Variants in CAB39L observed in about 807,000 individuals in gnomAD.
CAB39L encodes the protein calcium binding protein 39 like.
In CAB39L, 23 loss-of-function variants were observed where a neutral mutation model predicts 39.1. The ratio of observed to expected loss-of-function variants is 0.59; its 90% confidence interval spans 0.42 to 0.83. CAB39L has a LOEUF of 0.83. Ranked by LOEUF, CAB39L falls within the 40% of genes least tolerant of loss-of-function variation. The pLI, the probability that CAB39L is intolerant of heterozygous loss-of-function variation, is 0.00. For synonymous variants in CAB39L, 126 were observed against 137.2 expected (o/e 0.92, Z 0.57); for missense variants, 366 against 391.9 (o/e 0.93, Z 0.56).
At chr13:49,374,656 A>C (rs963578999) in intron 5 of CAB39L, among the ~76,000 whole-genome samples, 5 of 152,238 alleles carry the variant, frequency 3.3e-5, no homozygotes, top group African/African-American at 1.2e-4. Flanking sequence ...GAAAGTTATA[A>C]GGCACCCAAA....
intron 7 of CAB39L, among the ~76,000 whole-genome samples, chr13:49,348,071 T>C (rs928831211): frequency 1.3e-5 from 2 of 152,148 alleles, no homozygotes; most frequent in Non-Finnish European, 2.9e-5. Context: ...CATAGGACGC[T>C]GGCAGGCTGA....
intron 6 of CAB39L, among the ~76,000 whole-genome samples, chr13:49,352,218 TG>T (rs923584580): frequency 6.6e-6 from 1 of 151,534 alleles, no homozygotes; most frequent in African/African-American, 2.4e-5. Context: ...CATACCAGAT[TG>T]GTTCCATTTC....
chr13:49,321,890 G>T (rs1339126943), intron 10 of CAB39L, among the ~76,000 whole-genome samples: 1 of 152,164 alleles, frequency 6.6e-6, no homozygotes, highest in Non-Finnish European at 1.5e-5. Flanking sequence ...GATTTGAACT[G>T]AACAATTCAA....
chr13:49,427,341 T>C (rs1419620877), intron 3 of CAB39L, among the ~76,000 whole-genome samples: 2 of 152,174 alleles, frequency 1.3e-5, no homozygotes, highest in Non-Finnish European at 2.9e-5. Flanking sequence ...TCAATGTCCA[T>C]TCACCTTTCA....
intron 10 of CAB39L, among the ~76,000 whole-genome samples, chr13:49,313,821 C>T (rs1954074505): frequency 6.6e-6 from 1 of 152,150 alleles, no homozygotes; most frequent in African/African-American, 2.4e-5. Flanking sequence ...CAGTGCCCAA[C>T]TCTACAGGGA....
intron 3 of CAB39L, among the ~76,000 whole-genome samples, chr13:49,417,026 G>A (rs1291625035): frequency 6.6e-6 from 1 of 152,152 alleles, no homozygotes; most frequent in Non-Finnish European, 1.5e-5. Context: ...TGCCTAAATA[G>A]ATATTTGAAT....
chr13:49,361,822 G>A (rs1955646327), intron 5 of CAB39L, among the ~76,000 whole-genome samples: 1 of 151,900 alleles, frequency 6.6e-6, no homozygotes, highest in Non-Finnish European at 1.5e-5. Flanking sequence ...GCCCCTCTCT[G>A]TACTACAACC....
chr13:49,337,077 C>G (rs1345624752), intron 9 of CAB39L, among the ~76,000 whole-genome samples: 1 of 152,122 alleles, frequency 6.6e-6, no homozygotes. Flanking sequence ...ATAAAGGAAA[C>G]CAGGTCATGG....
chr13:49,347,549 G>C (rs150230574), intron 7 of CAB39L, among the ~76,000 whole-genome samples: 6 of 152,204 alleles, frequency 3.9e-5, no homozygotes, highest in African/African-American at 1.2e-4. Context: ...GAAAAAAATG[G>C]GACTGTAGTG....
At chr13:49,313,716 T>G (rs114376407) in intron 10 of CAB39L, among the ~76,000 whole-genome samples, 267 of 152,282 alleles carry the variant, frequency 1.8e-3, no homozygotes, top group African/African-American at 6.1e-3. Context: ...GATCAAAGTG[T>G]CTCTGAGCCC....
intron 5 of CAB39L, among the ~76,000 whole-genome samples, chr13:49,364,347 GAGAC>G (rs1477922644): frequency 2.6e-5 from 4 of 152,118 alleles, no homozygotes; most frequent in Non-Finnish European, 5.9e-5. Context: ...GCTAAAGTGA[GAGAC>G]AGATCCCAAT....
At chr13:49,428,297 C>T (rs1022391869) in intron 3 of CAB39L, among the ~76,000 whole-genome samples, 3 of 152,230 alleles carry the variant, frequency 2.0e-5, no homozygotes, top group African/African-American at 7.2e-5. Context: ...TGGCTACTGG[C>T]TAGAGGCTTT....
At position 49,310,468 on chromosome 13, in the gene CAB39L, A is replaced by C; in HGVS notation, c.*346T>G. 1 of 194,834 alleles carries C rather than the reference A, an allele frequency of 5.1e-6. No homozygotes were observed. Among genetic ancestry groups the C allele is most frequent in the Non-Finnish European group, 1.1e-5 (1 of 94,558 alleles). The allele number at this position is 194,834 out of a possible 1,614,324, so 12.1% of individuals were successfully genotyped here. On this transcript the variant is annotated 3_prime_UTR_variant, in exon 11 of 11. Transcript: ENST00000409308. ...TGGCCCCATTCCCAGTTCTCCCCTG[A>C]GAACTCAGTCCTCCTTGAAGACTTG...
Position 49,414,873 on chromosome 13 carries a change from G to A in CAB39L, c.-32+18445C>T, listed in dbSNP as rs549064841. The stretch of plus-strand genomic sequence containing the variant: ...TTTGTTTTAAAAAAGGAGCAGCTTT[G>A]TTTCGCCATTAAGTAGGCATTAAAA... On this transcript the variant is annotated intron_variant, in intron 3 of 10. Coordinates refer to ENST00000409308, the MANE Select transcript of CAB39L (RefSeq NM_001079670.3). Among the ~76,000 whole-genome samples, 202 of 152,158 alleles carry A rather than the reference G, an allele frequency of 1.3e-3. 1 individual carries two copies. The highest frequency in any genetic ancestry group is 4.7e-3 in the African/African-American group (196 of 41,528).
intron 3 of CAB39L, among the ~76,000 whole-genome samples, chr13:49,415,806 G>A (rs538881514): frequency 1.8e-3 from 275 of 152,160 alleles, no homozygotes; most frequent in African/African-American, 5.9e-3. Flanking sequence ...GTACACGGTA[G>A]GCACTCAACA....
intron 10 of CAB39L, among the ~76,000 whole-genome samples, chr13:49,324,809 G>A (rs1954451452): frequency 6.6e-6 from 1 of 151,924 alleles, no homozygotes; most frequent in Non-Finnish European, 1.5e-5. Context: ...CAATTGCTTT[G>A]GTATTTTGGA....
intron 7 of CAB39L, among the ~76,000 whole-genome samples, chr13:49,347,064 C>T (rs1955200258): frequency 6.6e-6 from 1 of 151,776 alleles, no homozygotes; most frequent in East Asian, 1.9e-4. Flanking sequence ...GTCAATCATC[C>T]AACCAAACAA....
At chr13:49,362,942 G>T (rs1955673760) in intron 5 of CAB39L, among the ~76,000 whole-genome samples, 1 of 152,178 alleles carries the variant, frequency 6.6e-6, no homozygotes, top group East Asian at 1.9e-4. Context: ...AGAGTGGCAT[G>T]ACATATTTAA....
intron 7 of CAB39L, among the ~76,000 whole-genome samples, chr13:49,346,662 G>A (rs1435389270): frequency 6.6e-6 from 1 of 152,190 alleles, no homozygotes; most frequent in Non-Finnish European, 1.5e-5. Context: ...TTAGAGGGCT[G>A]ACTGTGCTGG....
Sources: allele counts gnomAD v4.1 joint callset (sites outside exome capture counted in the v4.1 genomes callset), GRCh38; gene constraint gnomAD v4.1.1; transcripts MANE v1.5; gene names NCBI Gene and HGNC (gene_info 2026-07-23, HGNC 2026-07-21).